Variants in SLC44A5 observed in about 807,000 individuals in gnomAD.
The protein encoded by SLC44A5 is solute carrier family 44 member 5, also known as choline transporter-like protein 5.
A neutral mutation model predicts 101.8 loss-of-function variants in SLC44A5; 57 were observed. The observed-to-expected ratio is 0.56, with a 90% confidence interval of 0.45 to 0.70. The LOEUF (loss-of-function observed/expected upper bound fraction) is 0.70, where lower values mean the gene tolerates loss of function less well. Among genes scored for constraint, SLC44A5 ranks in the 30% least tolerant of loss-of-function variants. The pLI is 0.00. For missense variants in SLC44A5, 737 were observed against 853.1 expected, an observed-to-expected ratio of 0.86 and a Z score of 1.70; for synonymous variants, 281 against 290.9, an observed-to-expected ratio of 0.97 and a Z score of 0.35.
At chr1:75,300,014 CAAAAAAA>C (rs35608663) in intron 5 of SLC44A5, among the ~76,000 whole-genome samples, 25 of 93,778 alleles carry the variant, frequency 2.7e-4, no homozygotes, top group African/African-American at 1.2e-3. Flanking sequence ...GACTCTGTCT[CAAAAAAA>C]AAAAAAAAAA....
At chr1:75,568,269 T>A (rs986782453) in intron 1 of SLC44A5, among the ~76,000 whole-genome samples, 1 of 152,122 alleles carries the variant, frequency 6.6e-6, no homozygotes, top group African/African-American at 2.4e-5. Flanking sequence ...TTCTATTTTT[T>A]AAATGTTTCC....
At chr1:75,528,806 C>A (rs1352770073) in intron 2 of SLC44A5, among the ~76,000 whole-genome samples, 1 of 152,148 alleles carries the variant, frequency 6.6e-6, no homozygotes, top group African/African-American at 2.4e-5. Context: ...ATGTTCCAAA[C>A]AAAATGTTCT....
At chr1:75,430,955 A>C (rs1464684632) in intron 2 of SLC44A5, among the ~76,000 whole-genome samples, 1 of 152,228 alleles carries the variant, frequency 6.6e-6, no homozygotes, top group Non-Finnish European at 1.5e-5. Context: ...GCATTAAAAC[A>C]TACCAACAAC....
At chr1:75,681,945 G>A in the SLC44A5 span, among the ~76,000 whole-genome samples, 1 of 152,146 alleles carries the variant, frequency 6.6e-6, no homozygotes, top group East Asian at 1.9e-4. Context: ...AAAATCACAA[G>A]CATTCCTATA....
chr1:75,253,835 AC>A (rs780546167), intron 6 of SLC44A5, among the ~76,000 whole-genome samples: 1 of 152,100 alleles, frequency 6.6e-6, no homozygotes, highest in Non-Finnish European at 1.5e-5. Flanking sequence ...TTTACATCCT[AC>A]CTTGCCAGAA....
At chr1:75,547,918 T>A (rs1192772735) in intron 1 of SLC44A5, among the ~76,000 whole-genome samples, 1 of 152,216 alleles carries the variant, frequency 6.6e-6, no homozygotes, top group East Asian at 1.9e-4. Context: ...TAGTCTAAAG[T>A]CTGCATTGAC....
At chr1:75,640,743 T>C in the SLC44A5 span, among the ~76,000 whole-genome samples, 88 of 152,088 alleles carry the variant, frequency 5.8e-4, 1 homozygote, top group African/African-American at 2.0e-3. Flanking sequence ...TGAAGTAGAG[T>C]TGTGCCTTCT....
chr1:75,684,064 G>A, the SLC44A5 span, among the ~76,000 whole-genome samples: 37,554 of 152,058 alleles, frequency 0.25, 5,011 homozygotes, highest in Non-Finnish European at 0.3. Flanking sequence ...ATGGTGGAAC[G>A]AAAAGGAAAA....
the SLC44A5 span, among the ~76,000 whole-genome samples, chr1:75,630,913 C>T: frequency 2.0e-5 from 3 of 151,970 alleles, no homozygotes; most frequent in African/African-American, 7.2e-5. Flanking sequence ...CTTAGAACAC[C>T]AACAGAAGGC....
rs1347979147 is a variant in SLC44A5, at chr1:75,229,982, T to C, written c.854-2125A>G. ...GATATATGTTAGGCCTTTCTCAACC[T>C]ATTTTCTATTTCTTTGAACCACACA... On this transcript the variant is annotated intron_variant, in intron 12 of 23. Transcript: ENST00000370859. Among the ~76,000 whole-genome samples the C allele has an allele frequency of 7.4e-4, 113 of 152,212 alleles. 1 individual carries two copies. The highest frequency in any genetic ancestry group is 7.4e-3 in the Admixed American group (113 of 15,278).
At chr1:75,580,841 A>G (rs1673648904) in intron 1 of SLC44A5, among the ~76,000 whole-genome samples, 1 of 151,786 alleles carries the variant, frequency 6.6e-6, no homozygotes, top group Non-Finnish European at 1.5e-5. Context: ...CTGTCTCAAA[A>G]AAAAAAACAA....
chr1:75,467,845 G>T (rs1211354180), intron 2 of SLC44A5, among the ~76,000 whole-genome samples: 2 of 152,068 alleles, frequency 1.3e-5, no homozygotes, highest in African/African-American at 2.4e-5. Context: ...ATAACATTAA[G>T]TTAAAAAGTT....
At chr1:75,209,750 T>C (rs993231317) in intron 23 of SLC44A5, among the ~76,000 whole-genome samples, 3 of 152,182 alleles carry the variant, frequency 2.0e-5, no homozygotes, top group African/African-American at 4.8e-5. Flanking sequence ...GATCCCAGTG[T>C]GAAGTTGGTG....
chr1:75,652,948 T>G, the SLC44A5 span, among the ~76,000 whole-genome samples: 1 of 152,346 alleles, frequency 6.6e-6, no homozygotes. Flanking sequence ...GAAATTCAAA[T>G]TCTTGTTAAT....
chr1:75,491,958 G>A (rs1031650442), intron 2 of SLC44A5, among the ~76,000 whole-genome samples: 4 of 152,058 alleles, frequency 2.6e-5, no homozygotes, highest in Admixed American at 2.0e-4. Context: ...GTTCTACTTG[G>A]TGATACCTTG....
the SLC44A5 span, among the ~76,000 whole-genome samples, chr1:75,645,669 T>C: frequency 2.7e-5 from 4 of 149,312 alleles, no homozygotes; most frequent in Non-Finnish European, 6.0e-5. Flanking sequence ...TTGTTGCCAT[T>C]GCTGTTGGTG....
chr1:75,265,663 T>C (rs1412749430), intron 6 of SLC44A5, among the ~76,000 whole-genome samples: 1 of 152,162 alleles, frequency 6.6e-6, no homozygotes, highest in Non-Finnish European at 1.5e-5. Flanking sequence ...TGTAACAAAA[T>C]ATCACATGCA....
At chr1:75,257,994 G>A (rs974432628) in intron 6 of SLC44A5, among the ~76,000 whole-genome samples, 2 of 152,068 alleles carry the variant, frequency 1.3e-5, no homozygotes. Flanking sequence ...ATTAGGGACT[G>A]TATCATGCAC....
chr1:75,582,430 T>G lies in SLC44A5; in HGVS notation c.-70+28610A>C, dbSNP rs1673749171. The stretch of plus-strand genomic sequence containing the variant: ...TTGGGAAGCATGATCATGCCCACAT[T>G]GCCAAAGGGCTCAGGCTGTGTGGGC... On this transcript the variant is annotated intron_variant, in intron 1 of 23. Coordinates refer to ENST00000370859, the MANE Select transcript of SLC44A5 (RefSeq NM_001130058.2). 11 of 681,324 alleles carry G rather than the reference T, an allele frequency of 1.6e-5. No individual in the cohort carries two copies. In the Admixed American group the frequency reaches 2.4e-4, roughly 15 times the overall value. 42.2% of individuals were successfully genotyped at this position (681,324 alleles called of 1,614,324 possible). A position where few individuals can be genotyped will look rare whatever the true frequency, so the allele number is the denominator to read the frequency against.
Sources: allele counts gnomAD v4.1 joint callset (sites outside exome capture counted in the v4.1 genomes callset), GRCh38; gene constraint gnomAD v4.1.1; transcripts MANE v1.5; gene names NCBI Gene and HGNC (gene_info 2026-07-23, HGNC 2026-07-21).